SLC12A3: variants seen among roughly 807,000 people sequenced by gnomAD.
SLC12A3 encodes Na-Cl cotransporter.
In SLC12A3, 104 loss-of-function variants were observed where a neutral mutation model predicts 121.0. That is an observed-to-expected ratio of 0.86 (90% CI 0.73 to 1.01). The LOEUF (loss-of-function observed/expected upper bound fraction) is 1.01. Ranked by LOEUF, SLC12A3 falls within the 50% of genes least tolerant of loss-of-function variation. The probability of loss-of-function intolerance (pLI) is 0.00; values close to 1 mark genes in which losing one functional copy is unlikely to be tolerated. For synonymous variants in SLC12A3, 536 were observed against 533.4 expected (o/e 1.00, Z -0.07); for missense variants, 1,328 against 1,356.3 (o/e 0.98, Z 0.33).
Position 56,877,952 on chromosome 16 carries a change from C to G in SLC12A3, c.1096-125C>G, listed in dbSNP as rs1224017031. ...AGGGGCCAAGGTCAGAGGTTGCTGC[C>G]CCCAGCCTCAGCCTTAGACAAGGAG... On this transcript the variant is annotated intron_variant, in intron 8 of 25. Transcript: ENST00000563236. The G allele has an allele frequency of 1.5e-5, 10 of 646,866 alleles. No homozygotes were observed. The Admixed American group carries it at 2.2e-4, about 14-fold the overall frequency. 40.1% of individuals were successfully genotyped at this position (646,866 alleles called of 1,614,324 possible).
In SLC12A3 at chr16:56,879,601, C is replaced by T. The variant is rs5801; in HGVS notation, c.1395C>T (p.Thr465=). The T allele has an allele frequency of 0.14, 226,399 of 1,613,202 alleles. 16,534 individuals carry two copies. The highest frequency in any genetic ancestry group is 0.16 in the African/African-American group (12,075 of 74,946). The change falls in exon 11 of 26, where the codon ACC becomes ACT. Residue 465 remains threonine, a synonymous_variant. Transcript: ENST00000563236. Reference sequence around the variant, plus strand: ...TCACGGCTGGCATCTTCGGGGCCACCCTCTCCTCTGCCCTGGCCTGCCTTG... The same window carrying T: ...TCACGGCTGGCATCTTCGGGGCCACTCTCTCCTCTGCCCTGGCCTGCCTTG... The part of the protein sequence containing the change: ...PLITAGIFGA[T]LSSALACLVS...
Position 56,879,176 on chromosome 16 carries a change from C to T in SLC12A3, c.1284C>T (p.Thr428=), listed in dbSNP as rs34216426. The T allele has an allele frequency of 1.2e-3, 1,973 of 1,613,192 alleles. 2 individuals are homozygous for T. The highest frequency in any genetic ancestry group is 1.5e-3 in the Non-Finnish European group (1,781 of 1,179,998). Residue 428 remains threonine (T), a synonymous_variant, in exon 10 of 26, where the codon ACC becomes ACT. Coordinates refer to ENST00000563236, the MANE Select transcript of SLC12A3 (RefSeq NM_001126108.2). ...GLACSYGWNF[T]ECTQQHSCHY... ...CCTGCAGCTATGGCTGGAACTTCAC[C>T]GAGTGCACCCAGCAGCACAGCTGCC...
intron 24 of SLC12A3, 23 bp downstream of exon 24, chr16:56,902,531 G>GGGGGGGGGGGGGGGC: frequency 1.4e-6 from 1 of 714,566 alleles, no homozygotes; most frequent in Non-Finnish European, 2.4e-6. Flanking sequence ...GTGGGGGTGG[G>GGGGGGGGGGGGGGGC]AAACGCGACA....
Position 56,886,382 on chromosome 16 carries a change from C to T in SLC12A3, c.1944C>T (p.Leu648=), listed in dbSNP as rs754932021. ...IKNYRPQCLV[L]TGPPNFRPAL... ...TCCTCAGCCCCCAGTGCCTGGTGCT[C>T]ACGGGGCCCCCCAACTTCCGCCCGG... is the stretch of plus-strand genomic sequence containing the variant. Residue 648 remains leucine, a synonymous_variant, in exon 16 of 26, where the codon CTC becomes CTT. Coordinates refer to ENST00000563236, the MANE Select transcript of SLC12A3 (RefSeq NM_001126108.2). 2.9e-5 allele frequency: 46 copies of T among 1,613,928 alleles called. No individual in the cohort carries two copies. Among genetic ancestry groups the T allele is most frequent in the Non-Finnish European group, 3.8e-5 (45 of 1,179,990 alleles).
chr16:56,870,234 A>G lies in SLC12A3; in HGVS notation c.740A>G (p.Gln247Arg). 1 of 1,612,966 alleles carries G rather than the reference A, an allele frequency of 6.2e-7. No individual in the cohort carries two copies. Among genetic ancestry groups the G allele is most frequent in the Non-Finnish European group, 8.5e-7 (1 of 1,179,940 alleles). Reference protein sequence around the residue: ...GFAETVRDLLQEYGAPIVDPI... With the variant: ...GFAETVRDLLREYGAPIVDPI... ...GCAGAGACCGTGCGGGACCTGCTCC[A>G]GGTGAGGCCGGGGGGCTGGACCCTG... Residue 247 changes from glutamine (Q) to arginine (R), a missense_variant and splice_region_variant, in exon 5 of 26, where the codon CAG becomes CGG. Transcript: ENST00000563236.
chr16:56,888,913 C>T (rs1433288786), intron 18 of SLC12A3, among the ~76,000 whole-genome samples: 1 of 152,132 alleles, frequency 6.6e-6, no homozygotes, highest in Non-Finnish European at 1.5e-5. Context: ...AGGTGAGAAC[C>T]TCATGCCTCC....
At chr16:56,892,286 T>C (rs577706146) in intron 20 of SLC12A3, 153 bp downstream of exon 20, 1 of 716,388 alleles carries the variant, frequency 1.4e-6, no homozygotes, top group Non-Finnish European at 2.5e-6. Context: ...GTAACTGGAG[T>C]TGGGAACTGG....
chr16:56,888,423 G>A (rs1255502580), intron 18 of SLC12A3, among the ~76,000 whole-genome samples: 4 of 152,220 alleles, frequency 2.6e-5, no homozygotes, highest in Admixed American at 2.0e-4. Context: ...GGCCAGGCCA[G>A]GGGTGATAGG....
In SLC12A3 at chr16:56,887,453, T is replaced by C. The variant is rs747443103; in HGVS notation, c.2178+360T>C. Among the ~76,000 whole-genome samples the C allele has an allele frequency of 1.8e-4, 28 of 151,870 alleles. 1 individual carries two copies. The highest frequency in any genetic ancestry group is 3.5e-4 in the Non-Finnish European group (24 of 67,976). On this transcript the variant is annotated intron_variant, in intron 17 of 25. Transcript: ENST00000563236. The stretch of plus-strand genomic sequence containing the variant: ...AACTCCTGACCTCAGGTGATCCACC[T>C]ATCTCAGCCCCCCAGAGTGCTCGGT...
chr16:56,903,509 TGAGGA>T (rs2055566792), intron 24 of SLC12A3, among the ~76,000 whole-genome samples: 2 of 152,118 alleles, frequency 1.3e-5, no homozygotes, highest in Non-Finnish European at 2.9e-5. Flanking sequence ...TGTCAGGCAG[TGAGGA>T]GAGACCTGCG....
At position 56,879,593 on chromosome 16, in the gene SLC12A3, G is replaced by C; in HGVS notation, c.1387G>C (p.Gly463Arg). The C allele has an allele frequency of 6.2e-7, 1 of 1,613,662 alleles. No homozygotes were observed. Among genetic ancestry groups the C allele is most frequent in the Non-Finnish European group, 8.5e-7 (1 of 1,179,968 alleles). The change falls in exon 11 of 26, where the codon GGG becomes CGG. Residue 463 changes from glycine to arginine, a missense_variant. Physicochemically the swap from Gly to Arg is moderately radical, Grantham distance 125. Coordinates refer to ENST00000563236, the MANE Select transcript of SLC12A3 (RefSeq NM_001126108.2). ...GCCCCTGATCACGGCTGGCATCTTC[G>C]GGGCCACCCTCTCCTCTGCCCTGGC... ...FAPLITAGIF[G>R]ATLSSALACL...
At chr16:56,882,368 T>C in intron 12 of SLC12A3, 28 bp from the exon 13 acceptor site, 1 of 1,587,190 alleles carries the variant, frequency 6.3e-7, no homozygotes, top group African/African-American at 1.3e-5. Flanking sequence ...CCCAACAGGC[T>C]GTCCTCTCTC....
In SLC12A3 at chr16:56,890,264, C is replaced by T. The variant is rs2144737698; in HGVS notation, c.2286-10C>T. On this transcript the variant is annotated splice_polypyrimidine_tract_variant and intron_variant, in intron 18 of 25. Coordinates refer to ENST00000563236, the MANE Select transcript of SLC12A3 (RefSeq NM_001126108.2). ...GGGGAGAAGCTGGACCTCACCTCCT[C>T]TCTTTCCAGTGATGCCTTTGATTTC... 1.2e-6 allele frequency: 2 copies of T among 1,613,314 alleles called. No individual in the cohort carries two copies. The highest frequency in any genetic ancestry group is 1.3e-5 in the African/African-American group (1 of 75,032).
chr16:56,906,227 T>C (rs1242069205), intron 25 of SLC12A3, among the ~76,000 whole-genome samples: 1 of 152,250 alleles, frequency 6.6e-6, no homozygotes, highest in Non-Finnish European at 1.5e-5. Flanking sequence ...GTACGTTGCA[T>C]GCATCCCTTA....
chr16:56,874,812 A>AC (rs549004611), intron 8 of SLC12A3, among the ~76,000 whole-genome samples: 235 of 151,186 alleles, frequency 1.6e-3, no homozygotes, highest in Non-Finnish European at 2.2e-3. Flanking sequence ...CTCAAACCTC[A>AC]CCCCCCCGCA....
chr16:56,878,233 A>G, intron 9 of SLC12A3, 72 bp downstream of exon 9: 2 of 1,170,134 alleles, frequency 1.7e-6, no homozygotes, highest in Non-Finnish European at 2.5e-6. Flanking sequence ...CAAAACCCTG[A>G]CCACTGGAGG....
chr16:56,891,979 C>T (rs1447668880), intron 19 of SLC12A3, 104 bp from the exon 20 acceptor site: 1 of 862,314 alleles, frequency 1.2e-6, no homozygotes, highest in African/African-American at 1.7e-5. Context: ...CCAGGTGGGG[C>T]ATCGGGACTT....
intron 25 of SLC12A3, among the ~76,000 whole-genome samples, chr16:56,910,258 CTT>C (rs1410152797): frequency 6.6e-6 from 1 of 150,516 alleles, no homozygotes; most frequent in Non-Finnish European, 1.5e-5. Flanking sequence ...ACGGCAACCT[CTT>C]TGTTTTTTTT....
At chr16:56,880,365 C>T in intron 12 of SLC12A3, 112 bp downstream of exon 12, 1 of 1,333,748 alleles carries the variant, frequency 7.5e-7, no homozygotes, top group South Asian at 1.3e-5. Flanking sequence ...CCGGGCCTGA[C>T]AGTTAGTGGG....
Sources: allele counts gnomAD v4.1 joint callset (sites outside exome capture counted in the v4.1 genomes callset), GRCh38; gene constraint gnomAD v4.1.1; transcripts MANE v1.5; gene names NCBI Gene and HGNC (gene_info 2026-07-23, HGNC 2026-07-21).